Variants in ABTB3 observed in about 807,000 individuals in gnomAD.
ABTB3 encodes ankyrin repeat- and BTB/POZ domain-containing protein 3.
chr12:107,390,644 C>G, the ABTB3 span, among the ~76,000 whole-genome samples: 1 of 152,166 alleles, frequency 6.6e-6, no homozygotes, highest in East Asian at 1.9e-4. Context: ...ACCAACAATA[C>G]TGGTTAGTGC....
chr12:107,475,886 A>G, the ABTB3 span, among the ~76,000 whole-genome samples: 1 of 151,994 alleles, frequency 6.6e-6, no homozygotes, highest in Non-Finnish European at 1.5e-5. Flanking sequence ...CTGAAGGTTG[A>G]ACAGCGCTTC....
At chr12:107,581,786 G>A in the ABTB3 span, among the ~76,000 whole-genome samples, 1 of 152,238 alleles carries the variant, frequency 6.6e-6, no homozygotes, top group South Asian at 2.1e-4. Flanking sequence ...ATTACCCATG[G>A]GCCACTCAGG....
the ABTB3 span, among the ~76,000 whole-genome samples, chr12:107,629,913 A>C: frequency 6.6e-6 from 1 of 151,882 alleles, no homozygotes; most frequent in Non-Finnish European, 1.5e-5. Context: ...TGACCTATGG[A>C]TCTCACCCCC....
the ABTB3 span, among the ~76,000 whole-genome samples, chr12:107,554,321 T>C: frequency 5.3e-5 from 8 of 151,876 alleles, no homozygotes; most frequent in African/African-American, 1.2e-4. Context: ...AATACATGTA[T>C]ACATCAATTA....
chr12:107,341,340 G>C, the ABTB3 span, among the ~76,000 whole-genome samples: 2 of 152,150 alleles, frequency 1.3e-5, no homozygotes, highest in African/African-American at 2.4e-5. Context: ...TAGACTCCCT[G>C]GCAGGGGAGT....
the ABTB3 span, among the ~76,000 whole-genome samples, chr12:107,422,353 CATG>C: frequency 6.6e-6 from 1 of 152,080 alleles, no homozygotes. Context: ...CCTTACAGGC[CATG>C]ATGAGGCCCT....
the ABTB3 span, among the ~76,000 whole-genome samples, chr12:107,588,178 C>T: frequency 4.1e-3 from 626 of 152,254 alleles, 3 homozygotes; most frequent in African/African-American, 0.014. Context: ...TAAGGCCTGC[C>T]GTAATAGCCT....
the ABTB3 span, among the ~76,000 whole-genome samples, chr12:107,617,950 C>T: frequency 1.3e-5 from 2 of 152,154 alleles, no homozygotes; most frequent in Non-Finnish European, 2.9e-5. Context: ...CAAGTTGCCT[C>T]AAGGAAACAA....
chr12:107,570,105 G>A, the ABTB3 span, among the ~76,000 whole-genome samples: 1 of 152,226 alleles, frequency 6.6e-6, no homozygotes, highest in Non-Finnish European at 1.5e-5. Flanking sequence ...GGATGGTCAT[G>A]AGCCCAACTA....
chr12:107,553,937 T>TGA, the ABTB3 span, among the ~76,000 whole-genome samples: 11 of 151,008 alleles, frequency 7.3e-5, no homozygotes, highest in South Asian at 2.1e-4. Context: ...AAGACTGTCT[T>TGA]GAGAGAGAGA....
the ABTB3 span, among the ~76,000 whole-genome samples, chr12:107,617,960 A>G: frequency 1.3e-5 from 2 of 152,098 alleles, no homozygotes; most frequent in African/African-American, 4.8e-5. Flanking sequence ...CAAGGAAACA[A>G]GGCCAGTCAT....
chr12:107,346,642 G>A, the ABTB3 span, among the ~76,000 whole-genome samples: 2 of 152,092 alleles, frequency 1.3e-5, no homozygotes, highest in African/African-American at 4.8e-5. Context: ...TGTATTTTTA[G>A]TAGAGATGGG....
the ABTB3 span, among the ~76,000 whole-genome samples, chr12:107,411,303 CT>C: frequency 2.6e-5 from 4 of 152,094 alleles, no homozygotes; most frequent in Admixed American, 2.6e-4. Flanking sequence ...CGTCTCCCCC[CT>C]CCAAAAAAAA....
At chr12:107,549,953 A>G in the ABTB3 span, among the ~76,000 whole-genome samples, 2 of 150,840 alleles carry the variant, frequency 1.3e-5, no homozygotes, top group South Asian at 4.2e-4. Flanking sequence ...ACAATCACCC[A>G]TGTAGATCTC....
At chr12:107,485,300 G>T in the ABTB3 span, among the ~76,000 whole-genome samples, 1 of 152,098 alleles carries the variant, frequency 6.6e-6, no homozygotes, top group African/African-American at 2.4e-5. Flanking sequence ...AGTGAAAGTT[G>T]TCATTGTCCT....
the ABTB3 span, among the ~76,000 whole-genome samples, chr12:107,609,511 G>C: frequency 6.6e-6 from 1 of 152,042 alleles, no homozygotes; most frequent in Non-Finnish European, 1.5e-5. Context: ...TCTCTGTCCT[G>C]CGACTGCGAC....
the ABTB3 span, among the ~76,000 whole-genome samples, chr12:107,507,023 G>GA: frequency 6.6e-6 from 1 of 152,258 alleles, no homozygotes; most frequent in South Asian, 2.1e-4. Flanking sequence ...TTCATATTTT[G>GA]AAAATAGCTT....
the ABTB3 span, among the ~76,000 whole-genome samples, chr12:107,433,369 A>C: frequency 2.0e-5 from 3 of 150,182 alleles, no homozygotes; most frequent in Non-Finnish European, 3.0e-5. Flanking sequence ...TGTTGGATTT[A>C]TTCAAACCAT....
At chr12:107,517,670 G>C in the ABTB3 span, among the ~76,000 whole-genome samples, 1 of 152,118 alleles carries the variant, frequency 6.6e-6, no homozygotes, top group Non-Finnish European at 1.5e-5. Flanking sequence ...CTCTCTGTTT[G>C]TCTGTTATTG....
Sources: gnomAD v4.1 joint callset for allele counts (sites outside exome capture counted in the v4.1 genomes callset) on GRCh38, gnomAD v4.1.1 for gene constraint, MANE v1.5 for transcripts, NCBI Gene and HGNC (gene_info 2026-07-23, HGNC 2026-07-21) for gene names.